The following NUBPL variants were observed in gnomAD, a reference collection of about 807,000 sequenced individuals.
The protein encoded by NUBPL is NUBP iron-sulfur cluster assembly factor, mitochondrial.
NUBPL carries 31 observed loss-of-function variants against 45.7 expected under a neutral mutation model. The observed-to-expected ratio is 0.68, with a 90% CI of 0.51 to 0.92. The LOEUF (loss-of-function observed/expected upper bound fraction) is 0.92. NUBPL is among the 40% of genes least tolerant of loss of function. The pLI, the probability that NUBPL is intolerant of heterozygous loss-of-function variation, is 0.00. For missense variants in NUBPL, 401 were observed against 398.7 expected, an observed-to-expected ratio of 1.01 and a Z score of -0.05; for synonymous variants, 144 against 140.9, an observed-to-expected ratio of 1.02 and a Z score of -0.15.
intron 6 of NUBPL, among the ~76,000 whole-genome samples, chr14:31,732,060 A>G (rs542297916): frequency 6.6e-6 from 1 of 151,770 alleles, no homozygotes; most frequent in Non-Finnish European, 1.5e-5. Context: ...AAAGCCGGGC[A>G]TGGTGTGCCT....
At chr14:31,768,744 A>G (rs1238042572) in intron 6 of NUBPL, among the ~76,000 whole-genome samples, 2 of 152,232 alleles carry the variant, frequency 1.3e-5, no homozygotes, top group African/African-American at 2.4e-5. Context: ...AGTGAGAGGT[A>G]TGAATTCAGA....
intron 1 of NUBPL, 42 bp downstream of exon 1, chr14:31,561,589 G>T: frequency 2.4e-6 from 3 of 1,268,846 alleles, no homozygotes; most frequent in Non-Finnish European, 3.1e-6. Flanking sequence ...GCTGACAGAT[G>T]CTGGGCTGCA....
intron 4 of NUBPL, among the ~76,000 whole-genome samples, chr14:31,642,474 T>C (rs141810128): frequency 3.1e-4 from 47 of 152,264 alleles, no homozygotes; most frequent in Non-Finnish European, 6.3e-4. Flanking sequence ...GGGATCTTTG[T>C]TGAAAATGAG....
Position 31,813,737 on chromosome 14 carries a change from C to T in NUBPL, c.608-12892C>T, listed in dbSNP as rs1345332310. Among the ~76,000 whole-genome samples, 6 of 152,232 alleles carry T rather than the reference C, an allele frequency of 3.9e-5. No individual in the cohort carries two copies. The South Asian group carries it at 1.0e-3, about 26-fold the overall frequency. Reference sequence around the variant, plus strand: ...TGTGTGATATTCCATTCCCTATGTCCATGTTTTCTCTTTGTTCAACTCCCA... The same window carrying T: ...TGTGTGATATTCCATTCCCTATGTCTATGTTTTCTCTTTGTTCAACTCCCA... On this transcript the variant is annotated intron_variant, in intron 7 of 10. Transcript: ENST00000281081.
chr14:31,846,694 C>T (rs1317642298), intron 9 of NUBPL, 103 bp downstream of exon 9: 13 of 1,544,798 alleles, frequency 8.4e-6, no homozygotes, highest in African/African-American at 6.8e-5. Context: ...CGGAGTCTCA[C>T]ACCTGTAATC....
Position 31,840,204 on chromosome 14 carries a change from A to G in NUBPL, c.694-6267A>G, listed in dbSNP as rs541637950. On this transcript the variant is annotated intron_variant, in intron 8 of 10. Transcript: ENST00000281081. ...AATAGCCAAGATATGGAATCAACCA[A>G]CAGATGAATGGATTTTAAAAATGTG... Among the ~76,000 whole-genome samples the G allele has an allele frequency of 2.6e-5, 4 of 152,320 alleles. No homozygotes were observed. The South Asian group carries it at 8.3e-4, about 32-fold the overall frequency.
At chr14:31,801,314 G>A (rs1280170877) in intron 7 of NUBPL, 2 of 152,216 alleles carry the variant, frequency 1.3e-5, no homozygotes, top group Non-Finnish European at 2.9e-5. Flanking sequence ...ACTCTTGGGG[G>A]ACTGATCAGG....
At chr14:31,580,060 G>A (rs926431613) in intron 3 of NUBPL, among the ~76,000 whole-genome samples, 3 of 152,140 alleles carry the variant, frequency 2.0e-5, no homozygotes, top group Non-Finnish European at 2.9e-5. Flanking sequence ...TTCCTTTAAT[G>A]TCCAATAAAG....
intron 6 of NUBPL, among the ~76,000 whole-genome samples, chr14:31,766,776 C>T (rs1393964473): frequency 6.6e-6 from 1 of 152,172 alleles, no homozygotes; most frequent in African/African-American, 2.4e-5. Context: ...TGAGAAGAAT[C>T]TGCCTACGAT....
chr14:31,644,071 T>G (rs1487389144), intron 4 of NUBPL, among the ~76,000 whole-genome samples: 1 of 152,036 alleles, frequency 6.6e-6, no homozygotes, highest in Non-Finnish European at 1.5e-5. Context: ...TTGTCAATTT[T>G]GCTTGTCTTG....
At chr14:31,598,301 G>A (rs2034337421) in intron 3 of NUBPL, among the ~76,000 whole-genome samples, 1 of 152,060 alleles carries the variant, frequency 6.6e-6, no homozygotes, top group Non-Finnish European at 1.5e-5. Context: ...GAAATAGGTA[G>A]GTAACATCGA....
chr14:31,625,439 A>G (rs963142790), intron 4 of NUBPL, among the ~76,000 whole-genome samples: 5 of 151,990 alleles, frequency 3.3e-5, no homozygotes, highest in Admixed American at 6.6e-5. Context: ...CTCTAGGGAT[A>G]AGAAGTGGGT....
At chr14:31,827,776 C>G (rs2040129465) in intron 8 of NUBPL, among the ~76,000 whole-genome samples, 3 of 152,150 alleles carry the variant, frequency 2.0e-5, no homozygotes, top group Non-Finnish European at 4.4e-5. Flanking sequence ...TAACTTTTAT[C>G]AGATTCTTCA....
rs1435114290 is a variant in NUBPL, at chr14:31,861,194, A to T, written c.*2014A>T. The T allele has an allele frequency of 6.6e-6, 1 of 152,234 alleles. No homozygotes were observed. Among genetic ancestry groups the T allele is most frequent in the African/African-American group, 2.4e-5 (1 of 41,456 alleles). 9.4% of individuals were successfully genotyped at this position (152,234 alleles called of 1,614,324 possible). On this transcript the variant is annotated 3_prime_UTR_variant, in exon 11 of 11. Transcript: ENST00000281081. ...CTGCATGTAAATCTACAATTATCTC[A>T]AAATAAAAATAAAAGTTAAAAAAAC...
At chr14:31,573,933 G>A (rs904654469) in intron 3 of NUBPL, among the ~76,000 whole-genome samples, 3 of 152,126 alleles carry the variant, frequency 2.0e-5, no homozygotes, top group Non-Finnish European at 2.9e-5. Context: ...ATGGAACATA[G>A]TAGGTTCTTG....
At chr14:31,666,967 C>G (rs1013861887) in intron 4 of NUBPL, among the ~76,000 whole-genome samples, 2 of 152,132 alleles carry the variant, frequency 1.3e-5, no homozygotes, top group Non-Finnish European at 2.9e-5. Context: ...TGACCTTTCT[C>G]TCTGGCTGCC....
chr14:31,819,394 T>C (rs1475349076), intron 7 of NUBPL, among the ~76,000 whole-genome samples: 2 of 152,206 alleles, frequency 1.3e-5, no homozygotes, highest in Non-Finnish European at 1.5e-5. Flanking sequence ...TTGTAAGGTA[T>C]GGAATTATTT....
chr14:31,626,360 G>A (rs1307931249), intron 4 of NUBPL, among the ~76,000 whole-genome samples: 1 of 151,922 alleles, frequency 6.6e-6, no homozygotes, highest in African/African-American at 2.4e-5. Context: ...GGCTGGTCTC[G>A]AACTCCTGAC....
intron 6 of NUBPL, among the ~76,000 whole-genome samples, chr14:31,765,760 C>A (rs2038901387): frequency 6.6e-6 from 1 of 151,934 alleles, no homozygotes; most frequent in African/African-American, 2.4e-5. Flanking sequence ...TTAAAGCTAT[C>A]TTTGTTTACC....
Sources: allele counts gnomAD v4.1 joint callset (sites outside exome capture counted in the v4.1 genomes callset), GRCh38; gene constraint gnomAD v4.1.1; transcripts MANE v1.5; gene names NCBI Gene and HGNC (gene_info 2026-07-23, HGNC 2026-07-21).